Variants in VTI1A observed in about 807,000 individuals in gnomAD.
VTI1A encodes the protein vesicle transport through interaction with t-SNAREs homolog 1A.
In VTI1A, 22 loss-of-function variants were observed where a neutral mutation model predicts 34.9. The ratio of observed to expected loss-of-function variants is 0.63; its 90% CI spans 0.45 to 0.90. VTI1A has a LOEUF of 0.90. Among genes scored for constraint, VTI1A ranks in the 40% least tolerant of loss-of-function variants. The pLI, the probability that VTI1A is intolerant of heterozygous loss-of-function variation, is 0.00. For synonymous variants in VTI1A, 87 were observed against 97.3 expected, an observed-to-expected ratio of 0.89 and a Z score of 0.62; for missense variants, 268 against 275.6, an observed-to-expected ratio of 0.97 and a Z score of 0.20.
intron 5 of VTI1A, among the ~76,000 whole-genome samples, chr10:112,657,480 T>A (rs1449192216): frequency 6.6e-6 from 1 of 152,016 alleles, no homozygotes; most frequent in African/African-American, 2.4e-5. Context: ...ACAAATTAGA[T>A]TTTTTTTAAT....
chr10:112,509,363 A>G (rs1589844027), intron 3 of VTI1A, among the ~76,000 whole-genome samples: 2 of 152,202 alleles, frequency 1.3e-5, no homozygotes, highest in African/African-American at 4.8e-5. Flanking sequence ...GCAAGAAAAT[A>G]CCAGCCAAGA....
chr10:112,470,436 AG>A (rs1169957830), intron 3 of VTI1A, among the ~76,000 whole-genome samples: 1 of 152,204 alleles, frequency 6.6e-6, no homozygotes, highest in Non-Finnish European at 1.5e-5. Context: ...AGTGCAGAAA[AG>A]CATAGAGATT....
chr10:112,501,873 TG>T (rs1427150553), intron 3 of VTI1A, among the ~76,000 whole-genome samples: 1 of 152,064 alleles, frequency 6.6e-6, no homozygotes, highest in Non-Finnish European at 1.5e-5. Flanking sequence ...CTTTTAAAGT[TG>T]ACATTTACTT....
chr10:112,571,133 A>G (rs1210061897), intron 5 of VTI1A, among the ~76,000 whole-genome samples: 1 of 152,182 alleles, frequency 6.6e-6, no homozygotes, highest in Non-Finnish European at 1.5e-5. Flanking sequence ...AGAAATTGAA[A>G]CTGAGTGATT....
chr10:112,715,204 T>C (rs1471227375), intron 7 of VTI1A, among the ~76,000 whole-genome samples: 2 of 152,170 alleles, frequency 1.3e-5, no homozygotes, highest in African/African-American at 2.4e-5. Flanking sequence ...TCTTACAAAA[T>C]ATGAAAAACC....
intron 5 of VTI1A, among the ~76,000 whole-genome samples, chr10:112,569,671 G>C (rs193257010): frequency 4.6e-5 from 7 of 152,282 alleles, no homozygotes; most frequent in African/African-American, 1.7e-4. Flanking sequence ...GTGGTGATAT[G>C]GTGCTGTGAA....
intron 3 of VTI1A, among the ~76,000 whole-genome samples, chr10:112,505,236 T>C (rs948850934): frequency 1.3e-5 from 2 of 152,190 alleles, no homozygotes; most frequent in East Asian, 1.9e-4. Context: ...AGTTTAATCC[T>C]GTTTGTCTTG....
At chr10:112,655,146 C>T (rs1376403719) in intron 5 of VTI1A, among the ~76,000 whole-genome samples, 1 of 152,206 alleles carries the variant, frequency 6.6e-6, no homozygotes, top group East Asian at 1.9e-4. Context: ...ACCCCCCATA[C>T]ACACCCGTAC....
intron 7 of VTI1A, among the ~76,000 whole-genome samples, chr10:112,797,472 A>G (rs1370812089): frequency 6.6e-6 from 1 of 152,158 alleles, no homozygotes; most frequent in Non-Finnish European, 1.5e-5. Context: ...GCAGTTGGCT[A>G]CAGGAGGAGC....
intron 4 of VTI1A, among the ~76,000 whole-genome samples, chr10:112,537,611 A>T (rs372608851): frequency 6.6e-6 from 1 of 152,094 alleles, no homozygotes; most frequent in African/African-American, 2.4e-5. Context: ...ACATAGTGCC[A>T]TATATTTAGG....
At chr10:112,567,260 C>T (rs1851939019) in intron 5 of VTI1A, among the ~76,000 whole-genome samples, 2 of 152,140 alleles carry the variant, frequency 1.3e-5, no homozygotes, top group Admixed American at 6.5e-5. Context: ...AACTCCTGGG[C>T]TGAAGTGATC....
chr10:112,656,521 A>ATTTTTTTTTTTTT (rs768159688), intron 5 of VTI1A, among the ~76,000 whole-genome samples: 2 of 103,212 alleles, frequency 1.9e-5, no homozygotes, highest in African/African-American at 3.6e-5. Context: ...CACCCAGATA[A>ATTTTTTTTTTTTT]TTTTTTTTTT....
intron 5 of VTI1A, among the ~76,000 whole-genome samples, chr10:112,652,141 T>C (rs1379407171): frequency 1.3e-5 from 2 of 152,198 alleles, no homozygotes; most frequent in Non-Finnish European, 2.9e-5. Context: ...GATGGAAGTA[T>C]GGTTGCAGCA....
the VTI1A span, among the ~76,000 whole-genome samples, chr10:112,842,050 CCTTTTTTT>C: frequency 2.1e-5 from 2 of 93,166 alleles, no homozygotes; most frequent in Non-Finnish European, 4.1e-5. Flanking sequence ...TTTTTTTTTT[CCTTTTTTT>C]TTTTTTTTTT....
chr10:112,485,484 A>G (rs1414962953), intron 3 of VTI1A, among the ~76,000 whole-genome samples: 2 of 152,168 alleles, frequency 1.3e-5, no homozygotes, highest in African/African-American at 2.4e-5. Context: ...TATTTACCTT[A>G]TCAGTAGTTA....
At chr10:112,795,830 AT>A (rs1392761431) in intron 7 of VTI1A, among the ~76,000 whole-genome samples, 1 of 152,134 alleles carries the variant, frequency 6.6e-6, no homozygotes. Context: ...ATTTTAAATA[AT>A]TATTATATAT....
intron 7 of VTI1A, among the ~76,000 whole-genome samples, chr10:112,782,071 A>C (rs1852147224): frequency 6.6e-6 from 1 of 152,138 alleles, no homozygotes; most frequent in African/African-American, 2.4e-5. Context: ...CTTCCTTTGT[A>C]GCGATTACCA....
At chr10:112,447,213 A>G, upstream of VTI1A, 2 of 652,492 alleles carry the variant, frequency 3.1e-6, no homozygotes, top group Non-Finnish European at 2.5e-6. Context: ...CGAGATTGCG[A>G]CGAACAACCA....
intron 7 of VTI1A, among the ~76,000 whole-genome samples, chr10:112,753,038 T>C (rs548602849): frequency 6.7e-5 from 10 of 149,890 alleles, no homozygotes; most frequent in Non-Finnish European, 1.3e-4. Context: ...AAATTTCTTC[T>C]AAATTAAATT....
Sources: gnomAD v4.1 joint callset for allele counts (sites outside exome capture counted in the v4.1 genomes callset) on GRCh38, gnomAD v4.1.1 for gene constraint, MANE v1.5 for transcripts, NCBI Gene and HGNC (gene_info 2026-07-23, HGNC 2026-07-21) for gene names.